The following GABRA2 variants were observed in gnomAD, a reference collection of about 807,000 sequenced individuals.
GABRA2 encodes gamma-aminobutyric acid type A receptor subunit alpha2.
A neutral mutation model predicts 48.7 loss-of-function variants in GABRA2; 16 were observed. The ratio of observed to expected loss-of-function variants is 0.33; its 90% CI spans 0.22 to 0.50. GABRA2 has a LOEUF of 0.50. GABRA2 is among the 20% of genes least tolerant of loss of function. The pLI, the probability that GABRA2 is intolerant of heterozygous loss-of-function variation, is 0.98. For missense variants in GABRA2, 275 were observed against 535.6 expected (o/e 0.51, Z 4.80); for synonymous variants, 185 against 184.5 (o/e 1.00, Z -0.02).
intron 9 of GABRA2, among the ~76,000 whole-genome samples, chr4:46,254,540 A>T (rs693547): frequency 0.62 from 94,176 of 151,090 alleles, 30,070 homozygotes; most frequent in South Asian, 0.76. Flanking sequence ...CATATCATTT[A>T]TGAGAATAAG....
At chr4:46,306,363 G>C (rs1161906078) in intron 6 of GABRA2, among the ~76,000 whole-genome samples, 1 of 152,156 alleles carries the variant, frequency 6.6e-6, no homozygotes, top group African/African-American at 2.4e-5. Context: ...GCAGGAAGAG[G>C]AAAAACTGCA....
At chr4:46,340,437 C>T (rs1560550266) in intron 3 of GABRA2, among the ~76,000 whole-genome samples, 1 of 151,840 alleles carries the variant, frequency 6.6e-6, no homozygotes, top group Non-Finnish European at 1.5e-5. Context: ...TATGGATTTG[C>T]TTATTTTGAA....
intron 8 of GABRA2, among the ~76,000 whole-genome samples, chr4:46,275,931 A>G (rs1720409490): frequency 6.6e-6 from 1 of 152,176 alleles, no homozygotes; most frequent in Admixed American, 6.6e-5. Context: ...AAAACAAACA[A>G]TAAAAATGCA....
intron 4 of GABRA2, among the ~76,000 whole-genome samples, chr4:46,328,101 A>C (rs1274674869): frequency 6.6e-6 from 1 of 152,032 alleles, no homozygotes; most frequent in Non-Finnish European, 1.5e-5. Context: ...CCTACTACAA[A>C]CTTGGTCAAT....
chr4:46,273,867 A>G (rs1448869135), intron 8 of GABRA2, among the ~76,000 whole-genome samples: 3 of 152,046 alleles, frequency 2.0e-5, no homozygotes, highest in African/African-American at 7.2e-5. Context: ...AAGGAGAAGC[A>G]TATCTATTCA....
rs113242646 is a variant in GABRA2 at position 46,267,446 on chromosome 4, G to A, written c.857-5318C>T. ...AAAGTCTTTGTGTGGTCAGTAAAAC[G>A]TCTGGGCTTCCTCAGGTAGAATTTC... On this transcript the variant is annotated intron_variant, in intron 8 of 9. Coordinates refer to ENST00000381620, the MANE Select transcript of GABRA2 (RefSeq NM_000807.4). Among the ~76,000 whole-genome samples, 121 of 151,974 alleles carry A rather than the reference G, an allele frequency of 8.0e-4. 1 individual carries two copies. The highest frequency in any genetic ancestry group is 2.4e-3 in the African/African-American group (101 of 41,500).
intron 3 of GABRA2, among the ~76,000 whole-genome samples, chr4:46,382,175 C>CAT (rs1716845730): frequency 7.0e-6 from 1 of 143,678 alleles, no homozygotes; most frequent in African/African-American, 2.6e-5. Context: ...TATACACAAA[C>CAT]ATACACACAC....
At position 46,305,694 on chromosome 4, in the gene GABRA2, C is replaced by T; in HGVS notation, c.577G>A (p.Glu193Lys). The change falls in exon 7 of 10, where the codon GAG (glutamate) becomes AAG (lysine). Residue 193 changes from glutamate (E) to lysine (K), a missense_variant. By Grantham distance (56) the Glu-to-Lys change is moderately conservative (BLOSUM62 1). Around this residue, in one of 4 missense-constraint regions of GABRA2, gnomAD observed 113 missense variants for 257.1 expected, o/e 0.44. Transcript: ENST00000381620. ...TTGTAAGTCCAAATATAAGTGACCT[C>T]TGAAGTTGTATATGCATCTATAGGA... is the stretch of plus-strand genomic sequence containing the variant. ...KFGSYAYTTS[E>K]VTYIWTYNAS... 6.2e-7 allele frequency: 1 copy of T among 1,612,012 alleles called. No individual in the cohort carries two copies. The highest frequency in any genetic ancestry group is 8.5e-7 in the Non-Finnish European group (1 of 1,178,520).
At chr4:46,348,815 A>G (rs1249546270) in intron 3 of GABRA2, among the ~76,000 whole-genome samples, 4 of 150,920 alleles carry the variant, frequency 2.7e-5, no homozygotes, top group Non-Finnish European at 4.4e-5. Context: ...TAGGAGATAT[A>G]CCTAATGCTG....
intron 3 of GABRA2, among the ~76,000 whole-genome samples, chr4:46,335,749 G>C (rs1449226543): frequency 2.0e-5 from 3 of 152,060 alleles, no homozygotes; most frequent in Admixed American, 2.0e-4. Flanking sequence ...GGGATTACAG[G>C]CATGAGCCAC....
chr4:46,309,147 A>T (rs2109667775), intron 6 of GABRA2, among the ~76,000 whole-genome samples: 1 of 152,266 alleles, frequency 6.6e-6, no homozygotes, highest in Non-Finnish European at 1.5e-5. Flanking sequence ...CTCAAAGAAA[A>T]TTGAGACCTG....
intron 8 of GABRA2, among the ~76,000 whole-genome samples, chr4:46,299,675 C>CTTT (rs200453930): frequency 7.2e-6 from 1 of 139,432 alleles, no homozygotes; most frequent in Non-Finnish European, 1.6e-5. Flanking sequence ...GGGTTTCTTT[C>CTTT]TTTTTTTTTT....
chr4:46,389,568 T>C (rs939426677), intron 1 of GABRA2, 167 bp downstream of exon 1: 12 of 418,200 alleles, frequency 2.9e-5, no homozygotes, highest in Non-Finnish European at 3.5e-5. Flanking sequence ...TGGTGATAAG[T>C]ATCGAAATTA....
intron 3 of GABRA2, among the ~76,000 whole-genome samples, chr4:46,335,993 C>T (rs559758399): frequency 2.0e-5 from 3 of 152,122 alleles, no homozygotes; most frequent in South Asian, 2.1e-4. Context: ...TTCAACTTTG[C>T]CTTTATTTTA....
chr4:46,322,459 C>T (rs1404787024), intron 4 of GABRA2, among the ~76,000 whole-genome samples: 1 of 151,932 alleles, frequency 6.6e-6, no homozygotes, highest in Non-Finnish European at 1.5e-5. Flanking sequence ...TCCACACACC[C>T]ACGCCCCAAC....
Position 46,388,874 on chromosome 4 carries a change from C to G in GABRA2, c.-10-158G>C. The G allele has an allele frequency of 6.7e-6, 9 of 1,343,766 alleles. No individual in the cohort carries two copies. In the South Asian group the frequency reaches 1.3e-4, roughly 19 times the overall value. The allele number at this position is 1,343,766 out of a possible 1,614,324, so 83.2% of individuals were successfully genotyped here. On this transcript the variant is annotated intron_variant, in intron 1 of 9. Transcript: ENST00000381620. ...TGTGTAGGACTTGATGATTGAGAGA[C>G]GATTTCTTTTTTATGGACCCCCACC...
At chr4:46,371,258 T>G (rs1293296361) in intron 3 of GABRA2, among the ~76,000 whole-genome samples, 2 of 152,148 alleles carry the variant, frequency 1.3e-5, no homozygotes, top group Non-Finnish European at 2.9e-5. Context: ...ATAATATTGT[T>G]TTAAAGAACA....
At chr4:46,373,946 G>C (rs373808396) in intron 3 of GABRA2, among the ~76,000 whole-genome samples, 1 of 151,938 alleles carries the variant, frequency 6.6e-6, no homozygotes. Context: ...TTGCAATTCC[G>C]TTTTCTTTTA....
At chr4:46,291,201 C>G (rs1723558790) in intron 8 of GABRA2, among the ~76,000 whole-genome samples, 1 of 152,002 alleles carries the variant, frequency 6.6e-6, no homozygotes, top group African/African-American at 2.4e-5. Context: ...CAAATATTAG[C>G]CCTCTGGTTC....
Sources: gnomAD v4.1 joint callset for allele counts (sites outside exome capture counted in the v4.1 genomes callset) on GRCh38, gnomAD v4.1.1 for gene constraint, gnomAD v4.1.1 regional missense constraint, MANE v1.5 for transcripts, NCBI Gene and HGNC (gene_info 2026-07-23, HGNC 2026-07-21) for gene names.